B4GALT5: variants seen among roughly 807,000 people sequenced by gnomAD.
The protein encoded by B4GALT5 is beta-1,4-galactosyltransferase 5.
B4GALT5 carries 11 observed loss-of-function variants against 45.0 expected under a neutral mutation model. The observed-to-expected ratio is 0.24, with a 90% CI of 0.15 to 0.40. The LOEUF is 0.40. Ranked by LOEUF, B4GALT5 falls within the 10% of genes least tolerant of loss-of-function variation. The pLI is 1.00. For missense variants in B4GALT5, 337 were observed against 500.2 expected (o/e 0.67, Z 3.11); for synonymous variants, 185 against 182.9 (o/e 1.01, Z -0.09).
At position 49,713,797 on chromosome 20, in the gene B4GALT5, C is replaced by T. The variant is rs915903542; in HGVS notation, c.-107G>A. 6 of 183,404 alleles carry T rather than the reference C, an allele frequency of 3.3e-5. No homozygotes were observed. Among genetic ancestry groups the T allele is most frequent in the African/African-American group, 1.4e-4 (6 of 41,512 alleles). 11.4% of individuals were successfully genotyped at this position (183,404 alleles called of 1,614,324 possible). ...CCACCGCCTGGGCCTCGGCCACCGCCTCCCGGGCCTCGCGGGCCGCCACTC... is the reference window on the plus strand; with the variant it reads ...CCACCGCCTGGGCCTCGGCCACCGCTTCCCGGGCCTCGCGGGCCGCCACTC... On this transcript the variant is annotated 5_prime_UTR_variant, in exon 1 of 9. Transcript: ENST00000371711.
intron 2 of B4GALT5, among the ~76,000 whole-genome samples, chr20:49,651,218 G>A (rs1049179879): frequency 6.6e-6 from 1 of 151,132 alleles, no homozygotes; most frequent in African/African-American, 2.4e-5. Flanking sequence ...CTCAAAAGGT[G>A]GAGGCTGCAG....
intron 5 of B4GALT5, among the ~76,000 whole-genome samples, chr20:49,642,121 T>C (rs1568715277): frequency 6.6e-6 from 1 of 152,176 alleles, no homozygotes; most frequent in Non-Finnish European, 1.5e-5. Flanking sequence ...CTGAGGTCTC[T>C]TGACTCCAAG....
chr20:49,677,749 G>A (rs1287372971), intron 1 of B4GALT5, among the ~76,000 whole-genome samples: 1 of 152,156 alleles, frequency 6.6e-6, no homozygotes. Context: ...TTGATTGATT[G>A]ATTGATTGAT....
rs749459078 is a variant in B4GALT5 at position 49,698,757 on chromosome 20, T to C, written c.115+14819A>G. ...CACTACCTGCCACCCTGTGCCTGTG[T>C]TGTGGACGAGGAAGGCACGGGTAGT... On this transcript the variant is annotated intron_variant, in intron 1 of 8. Transcript: ENST00000371711. Among the ~76,000 whole-genome samples, 5 of 152,182 alleles carry C rather than the reference T, an allele frequency of 3.3e-5. No homozygotes were observed. In the East Asian group the frequency reaches 7.7e-4, roughly 23 times the overall value.
chr20:49,703,891 G>GAAA (rs34950656), intron 1 of B4GALT5, among the ~76,000 whole-genome samples: 3 of 142,668 alleles, frequency 2.1e-5, no homozygotes, highest in Non-Finnish European at 3.0e-5. Flanking sequence ...TCCATCTCAG[G>GAAA]AAAAAAAAAA....
intron 5 of B4GALT5, among the ~76,000 whole-genome samples, chr20:49,641,231 G>C (rs548009681): frequency 2.6e-3 from 390 of 152,318 alleles, no homozygotes; most frequent in Non-Finnish European, 4.7e-3. Flanking sequence ...AAATGCAACC[G>C]TGTACCAGCA....
chr20:49,696,550 C>G (rs1290463422), intron 1 of B4GALT5, among the ~76,000 whole-genome samples: 1 of 152,054 alleles, frequency 6.6e-6, no homozygotes, highest in African/African-American at 2.4e-5. Context: ...CAGAACTGGC[C>G]AGGAAAAGAT....
intron 1 of B4GALT5, among the ~76,000 whole-genome samples, chr20:49,698,046 G>A (rs924186823): frequency 1.3e-5 from 2 of 152,186 alleles, no homozygotes; most frequent in African/African-American, 4.8e-5. Context: ...TTCCAGCCGG[G>A]CGCGGTGGCT....
chr20:49,694,280 G>A (rs2085828463), intron 1 of B4GALT5, among the ~76,000 whole-genome samples: 1 of 152,002 alleles, frequency 6.6e-6, no homozygotes, highest in Non-Finnish European at 1.5e-5. Flanking sequence ...ACCGATTTGC[G>A]CATCTATTTT....
intron 1 of B4GALT5, among the ~76,000 whole-genome samples, chr20:49,659,870 G>A (rs1255302341): frequency 1.3e-5 from 2 of 150,720 alleles, no homozygotes; most frequent in African/African-American, 2.5e-5. Flanking sequence ...TCCACCTCCC[G>A]GGTTCAAGTG....
At chr20:49,671,048 AATG>A (rs1400328040) in intron 1 of B4GALT5, among the ~76,000 whole-genome samples, 1 of 152,190 alleles carries the variant, frequency 6.6e-6, no homozygotes, top group African/African-American at 2.4e-5. Context: ...TCACTGAAAT[AATG>A]ATTATTGTTT....
chr20:49,713,238 G>A (rs970781560), intron 1 of B4GALT5, among the ~76,000 whole-genome samples: 1 of 151,862 alleles, frequency 6.6e-6, no homozygotes, highest in Non-Finnish European at 1.5e-5. Context: ...GAGTTCTCGA[G>A]CAGAGGAGCG....
intron 1 of B4GALT5, among the ~76,000 whole-genome samples, chr20:49,665,701 A>G (rs1269434346): frequency 1.3e-5 from 2 of 149,410 alleles, no homozygotes; most frequent in Non-Finnish European, 3.0e-5. Flanking sequence ...ATGGAAGAAT[A>G]GTCACGTTTG....
chr20:49,661,338 G>A (rs538942189), intron 1 of B4GALT5, among the ~76,000 whole-genome samples: 6 of 152,228 alleles, frequency 3.9e-5, no homozygotes, highest in African/African-American at 9.6e-5. Flanking sequence ...AGGTTCAAGC[G>A]ATTCTTCTGC....
intron 6 of B4GALT5, 94 bp downstream of exon 6, chr20:49,640,383 TG>T (rs2085571664): frequency 2.7e-6 from 3 of 1,117,398 alleles, no homozygotes; most frequent in Admixed American, 5.2e-5. Context: ...CATCAGTTGA[TG>T]GGCATCTAGG....
chr20:49,695,205 A>C (rs1020023890), intron 1 of B4GALT5, among the ~76,000 whole-genome samples: 1 of 145,722 alleles, frequency 6.9e-6, no homozygotes, highest in Admixed American at 6.9e-5. Context: ...TAGTGCAGTA[A>C]TTTTTTTTTT....
intron 1 of B4GALT5, among the ~76,000 whole-genome samples, chr20:49,689,393 C>T (rs1010552050): frequency 6.6e-6 from 1 of 152,150 alleles, no homozygotes; most frequent in Non-Finnish European, 1.5e-5. Flanking sequence ...TCCGTTTCTG[C>T]CCCGTGGGAA....
intron 1 of B4GALT5, among the ~76,000 whole-genome samples, chr20:49,690,147 GCA>G (rs3066702): frequency 0.51 from 76,800 of 151,680 alleles, 19,721 homozygotes; most frequent in South Asian, 0.65. Context: ...GGGATTAGAA[GCA>G]CACACCACTA....
chr20:49,655,166 C>T (rs1445071989), intron 2 of B4GALT5, among the ~76,000 whole-genome samples: 1 of 151,652 alleles, frequency 6.6e-6, no homozygotes, highest in African/African-American at 2.4e-5. Flanking sequence ...CACAGTGGTT[C>T]ATGTCTGTAA....
Sources: gnomAD v4.1 joint callset for allele counts (sites outside exome capture counted in the v4.1 genomes callset) on GRCh38, gnomAD v4.1.1 for gene constraint, MANE v1.5 for transcripts, NCBI Gene and HGNC (gene_info 2026-07-23, HGNC 2026-07-21) for gene names.